VDAC1: variants seen among roughly 807,000 people sequenced by gnomAD.
The protein encoded by VDAC1 is non-selective voltage-gated ion channel VDAC1.
Under a neutral mutation model 34.7 loss-of-function variants are expected in VDAC1, and 10 were observed. The observed-to-expected ratio is 0.29, with a 90% CI of 0.18 to 0.49. The LOEUF (loss-of-function observed/expected upper bound fraction) is 0.49. Ranked by LOEUF, VDAC1 falls within the 20% of genes least tolerant of loss-of-function variation. The probability of loss-of-function intolerance (pLI) is 0.99; values close to 1 mark genes in which losing one functional copy is unlikely to be tolerated. For missense variants in VDAC1, 230 were observed against 347.9 expected, an observed-to-expected ratio of 0.66 and a Z score of 2.69; for synonymous variants, 130 against 136.0, an observed-to-expected ratio of 0.96 and a Z score of 0.30.
the VDAC1 span, among the ~76,000 whole-genome samples, chr5:134,018,857 T>G: frequency 1.3e-5 from 2 of 152,160 alleles, no homozygotes; most frequent in African/African-American, 4.8e-5. Context: ...GGAGCCCCAG[T>G]AAAAACTCTA....
At chr5:134,019,352 C>T in the VDAC1 span, among the ~76,000 whole-genome samples, 1 of 151,982 alleles carries the variant, frequency 6.6e-6, no homozygotes, top group East Asian at 1.9e-4. Context: ...CTAAGGGAGG[C>T]GGATTGCTTG....
At chr5:134,024,650 A>T in the VDAC1 span, among the ~76,000 whole-genome samples, 1 of 152,092 alleles carries the variant, frequency 6.6e-6, no homozygotes, top group African/African-American at 2.4e-5. Context: ...CAAAATAAAA[A>T]TTTTTTAAGA....
At chr5:134,006,055 T>G (rs1190062468), upstream of VDAC1, among the ~76,000 whole-genome samples, 3 of 152,040 alleles carry the variant, frequency 2.0e-5, no homozygotes, top group Non-Finnish European at 2.9e-5. Context: ...TCCAGTGGGA[T>G]AGGGTGCTGA....
chr5:134,075,555 C>G, the VDAC1 span, among the ~76,000 whole-genome samples: 1 of 152,246 alleles, frequency 6.6e-6, no homozygotes. Context: ...ACACTATACA[C>G]GATACTGGTT....
At chr5:134,030,200 C>G in the VDAC1 span, among the ~76,000 whole-genome samples, 1 of 151,882 alleles carries the variant, frequency 6.6e-6, no homozygotes, top group Non-Finnish European at 1.5e-5. Flanking sequence ...ATTAGCCGGG[C>G]GTGGTGGTGC....
At chr5:134,112,061 C>A in the VDAC1 span, among the ~76,000 whole-genome samples, 1 of 151,460 alleles carries the variant, frequency 6.6e-6, no homozygotes, top group African/African-American at 2.4e-5. Flanking sequence ...GTGAAGGAAT[C>A]AGTGCTGACT....
At chr5:134,074,959 G>T in the VDAC1 span, among the ~76,000 whole-genome samples, 1 of 152,054 alleles carries the variant, frequency 6.6e-6, no homozygotes, top group Admixed American at 6.6e-5. Flanking sequence ...CTGGGTCCTA[G>T]CCCTCCTCTC....
the VDAC1 span, among the ~76,000 whole-genome samples, chr5:134,087,879 T>C: frequency 8.9e-6 from 1 of 112,462 alleles, no homozygotes; most frequent in African/African-American, 3.5e-5. Flanking sequence ...GCAGGGCACG[T>C]TGGTTCACGC....
At chr5:134,109,332 C>G in the VDAC1 span, among the ~76,000 whole-genome samples, 1 of 152,186 alleles carries the variant, frequency 6.6e-6, no homozygotes, top group Non-Finnish European at 1.5e-5. Context: ...GGATTTAGTG[C>G]AGGCGTATTC....
chr5:134,020,843 T>A, the VDAC1 span, among the ~76,000 whole-genome samples: 2 of 151,530 alleles, frequency 1.3e-5, no homozygotes, highest in Non-Finnish European at 2.9e-5. Flanking sequence ...TGCCCAGCTA[T>A]GGAACAGGCA....
chr5:134,088,149 C>G, the VDAC1 span, among the ~76,000 whole-genome samples: 2 of 152,076 alleles, frequency 1.3e-5, no homozygotes, highest in African/African-American at 4.8e-5. Flanking sequence ...GAGCAAAACC[C>G]TGTCTCAAAA....
intron 1 of VDAC1, among the ~76,000 whole-genome samples, chr5:133,994,921 G>A (rs1353459097): frequency 6.6e-6 from 1 of 152,110 alleles, no homozygotes; most frequent in Non-Finnish European, 1.5e-5. Context: ...TTAGGAGCCA[G>A]AGCCTTCCCC....
At chr5:134,055,590 T>TTTTGTTTTTTTTTTG in the VDAC1 span, among the ~76,000 whole-genome samples, 1 of 31,182 alleles carries the variant, frequency 3.2e-5, no homozygotes, top group African/African-American at 9.6e-5. Context: ...CCGCTAATGT[T>TTTTGTTTTTTTTTTG]TTTTTTTTTT....
chr5:134,075,863 G>A, the VDAC1 span, among the ~76,000 whole-genome samples: 12 of 152,146 alleles, frequency 7.9e-5, no homozygotes, highest in Non-Finnish European at 1.6e-4. Flanking sequence ...GGGATTACAC[G>A]CGTGAGCCAC....
At chr5:134,027,591 A>G in the VDAC1 span, among the ~76,000 whole-genome samples, 3 of 152,184 alleles carry the variant, frequency 2.0e-5, no homozygotes, top group African/African-American at 7.2e-5. Flanking sequence ...AGCCTCTGAA[A>G]AGGTGACTGC....
chr5:134,006,604 G>T (rs991115908), upstream of VDAC1, among the ~76,000 whole-genome samples: 1 of 151,740 alleles, frequency 6.6e-6, no homozygotes, highest in Admixed American at 6.6e-5. Flanking sequence ...CTAGACGGGC[G>T]TGGTGGCGCG....
At chr5:134,072,080 C>T in the VDAC1 span, among the ~76,000 whole-genome samples, 8 of 152,050 alleles carry the variant, frequency 5.3e-5, no homozygotes, top group African/African-American at 1.7e-4. Context: ...CTGAGCAGCT[C>T]GCCCTAGGGT....
intron 5 of VDAC1, among the ~76,000 whole-genome samples, chr5:133,982,637 C>G (rs1752743708): frequency 6.6e-6 from 1 of 152,082 alleles, no homozygotes; most frequent in African/African-American, 2.4e-5. Context: ...CGCCTATAAT[C>G]CCAACACTTC....
At chr5:134,030,600 C>CTTT in the VDAC1 span, among the ~76,000 whole-genome samples, 11 of 109,960 alleles carry the variant, frequency 1.0e-4, no homozygotes, top group African/African-American at 2.3e-4. Flanking sequence ...TTCTTTCTTT[C>CTTT]TTTCTTTTTT....
Sources: gnomAD v4.1 joint callset for allele counts (sites outside exome capture counted in the v4.1 genomes callset) on GRCh38, gnomAD v4.1.1 for gene constraint, MANE v1.5 for transcripts, NCBI Gene and HGNC (gene_info 2026-07-23, HGNC 2026-07-21) for gene names.